HECW2: variants seen among roughly 807,000 people sequenced by gnomAD.
HECW2 encodes HECT, C2 and WW domain containing E3 ubiquitin protein ligase 2, also known as E3 ubiquitin-protein ligase HECW2.
HECW2 carries 61 observed loss-of-function variants against 175.2 expected under a neutral mutation model. The ratio of observed to expected loss-of-function variants is 0.35; its 90% confidence interval spans 0.28 to 0.43. The LOEUF is 0.43. HECW2 is among the 20% of genes least tolerant of loss of function. HECW2 has a pLI of 1.00. For missense variants in HECW2, 1,524 were observed against 2,000.5 expected, an observed-to-expected ratio of 0.76 and a Z score of 4.54; for synonymous variants, 671 against 731.0, an observed-to-expected ratio of 0.92 and a Z score of 1.32.
At chr2:196,538,755 C>T (rs1331467339) in intron 1 of HECW2, among the ~76,000 whole-genome samples, 1 of 152,130 alleles carries the variant, frequency 6.6e-6, no homozygotes. Flanking sequence ...CTCCCAGGTA[C>T]CTTCATTTTA....
At chr2:196,476,950 A>C (rs1575591348) in intron 1 of HECW2, among the ~76,000 whole-genome samples, 3 of 88,468 alleles carry the variant, frequency 3.4e-5, no homozygotes, top group Non-Finnish European at 6.1e-5. Context: ...ATCTCCACAA[A>C]AAAAAAAAAA....
intron 15 of HECW2, among the ~76,000 whole-genome samples, chr2:196,276,446 CTAT>C (rs1404381161): frequency 6.6e-6 from 1 of 152,130 alleles, no homozygotes; most frequent in Admixed American, 6.6e-5. Flanking sequence ...GAAAGTATAG[CTAT>C]TAATCTCATG....
chr2:196,222,439 G>A (rs1206022881), intron 23 of HECW2, 99 bp from the exon 24 acceptor site: 7 of 1,084,160 alleles, frequency 6.5e-6, no homozygotes, highest in Non-Finnish European at 9.2e-6. Context: ...AGAAGAATAA[G>A]AGCCACTACA....
At chr2:196,396,236 A>G (rs2125193786) in intron 2 of HECW2, among the ~76,000 whole-genome samples, 1 of 152,338 alleles carries the variant, frequency 6.6e-6, no homozygotes, top group East Asian at 1.9e-4. Context: ...TGAATGAGAA[A>G]AAGTTTGCAT....
At chr2:196,451,930 C>T (rs954067506) in intron 1 of HECW2, among the ~76,000 whole-genome samples, 1 of 152,136 alleles carries the variant, frequency 6.6e-6, no homozygotes, top group Non-Finnish European at 1.5e-5. Context: ...TGATTTATTT[C>T]TTATTTGGAG....
intron 28 of HECW2, among the ~76,000 whole-genome samples, chr2:196,214,720 G>A (rs536723523): frequency 1.2e-4 from 19 of 152,264 alleles, no homozygotes; most frequent in South Asian, 2.1e-4. Flanking sequence ...ATTCTTTATC[G>A]CTCTCTCCAT....
intron 1 of HECW2, among the ~76,000 whole-genome samples, chr2:196,464,911 G>A (rs1252870818): frequency 6.6e-6 from 1 of 152,100 alleles, no homozygotes; most frequent in African/African-American, 2.4e-5. Flanking sequence ...GAATGGTGGC[G>A]CACACCTATA....
Position 196,377,123 on chromosome 2 carries a change from G to A in HECW2, c.293-33359C>T, listed in dbSNP as rs571190674. ...TCAAAGAGAAACCAGGTTGGCCAAA[G>A]CTATCCGCTAGTTAGTGCCACGGAA... On this transcript the variant is annotated intron_variant, in intron 2 of 28. Coordinates refer to ENST00000644978, the MANE Select transcript of HECW2 (RefSeq NM_001348768.2). 3.9e-5 allele frequency among the ~76,000 whole-genome samples: 6 copies of A among 152,252 alleles called. No homozygotes were observed. The South Asian group carries it at 1.2e-3, about 32-fold the overall frequency.
At chr2:196,300,694 C>CTATACACATATATA (rs60719469) in intron 13 of HECW2, among the ~76,000 whole-genome samples, 31,763 of 151,664 alleles carry the variant, frequency 0.21, 3,617 homozygotes, top group African/African-American at 0.27. Context: ...ATATCTATAT[C>CTATACACATATATA]TATACACATA....
At chr2:196,433,874 A>G (rs1247934635) in intron 1 of HECW2, among the ~76,000 whole-genome samples, 1 of 152,246 alleles carries the variant, frequency 6.6e-6, no homozygotes, top group African/African-American at 2.4e-5. Context: ...TGCTAAATAC[A>G]GTTGAAGTAC....
intron 2 of HECW2, among the ~76,000 whole-genome samples, chr2:196,396,205 G>A (rs1694657875): frequency 1.3e-5 from 2 of 152,198 alleles, no homozygotes; most frequent in South Asian, 4.1e-4. Context: ...ATGGTTGCCA[G>A]GGGCTGGGGA....
intron 2 of HECW2, among the ~76,000 whole-genome samples, chr2:196,366,697 T>A (rs1354230704): frequency 2.0e-5 from 3 of 152,174 alleles, no homozygotes; most frequent in Admixed American, 1.3e-4. Flanking sequence ...AGTATTATAT[T>A]TTTCCTTAAT....
At chr2:196,399,312 CAT>C (rs1694754342) in intron 2 of HECW2, among the ~76,000 whole-genome samples, 1 of 152,156 alleles carries the variant, frequency 6.6e-6, no homozygotes, top group Non-Finnish European at 1.5e-5. Flanking sequence ...TGCATGAAAA[CAT>C]ATGTATATTA....
chr2:196,354,812 G>GT (rs1298136304), intron 2 of HECW2, among the ~76,000 whole-genome samples: 1 of 152,168 alleles, frequency 6.6e-6, no homozygotes, highest in African/African-American at 2.4e-5. Context: ...CACTGCTGAT[G>GT]TGACATTCAA....
chr2:196,579,529 A>G (rs987974141), intron 1 of HECW2, among the ~76,000 whole-genome samples: 4 of 152,194 alleles, frequency 2.6e-5, no homozygotes, highest in African/African-American at 9.6e-5. Context: ...GAGATACTGT[A>G]TAATCAGAGA....
intron 1 of HECW2, among the ~76,000 whole-genome samples, chr2:196,444,268 G>C (rs747889481): frequency 7.8e-6 from 1 of 128,292 alleles, no homozygotes; most frequent in Non-Finnish European, 1.7e-5. Context: ...CTTTGTGGTG[G>C]CTGAAGCGCA....
intron 2 of HECW2, among the ~76,000 whole-genome samples, chr2:196,410,287 G>A (rs1165330403): frequency 6.6e-6 from 1 of 152,100 alleles, no homozygotes; most frequent in Non-Finnish European, 1.5e-5. Flanking sequence ...AAATAGCAAT[G>A]GTACATTTTG....
chr2:196,378,846 CAT>C (rs1401321356), intron 2 of HECW2, among the ~76,000 whole-genome samples: 2 of 152,110 alleles, frequency 1.3e-5, no homozygotes, highest in Non-Finnish European at 2.9e-5. Flanking sequence ...CTAACGAAGA[CAT>C]TACGCTGCCA....
intron 26 of HECW2, among the ~76,000 whole-genome samples, chr2:196,219,266 G>C (rs558146244): frequency 6.6e-6 from 1 of 152,306 alleles, no homozygotes; most frequent in East Asian, 1.9e-4. Flanking sequence ...ATTTCTGAAG[G>C]CTTCCTAACA....
Sources: allele counts gnomAD v4.1 joint callset (sites outside exome capture counted in the v4.1 genomes callset), GRCh38; gene constraint gnomAD v4.1.1; transcripts MANE v1.5; gene names NCBI Gene and HGNC (gene_info 2026-07-23, HGNC 2026-07-21).